The following MYH15 variants were observed in gnomAD, a reference collection of about 807,000 sequenced individuals.
The protein encoded by MYH15 is myosin-15.
A neutral mutation model predicts 240.5 loss-of-function variants in MYH15; 227 were observed. The observed-to-expected ratio is 0.94, with a 90% CI of 0.85 to 1.05. The LOEUF is 1.05. Among genes scored for constraint, MYH15 ranks in the 50% least tolerant of loss-of-function variants. The probability of loss-of-function intolerance (pLI) is 0.00; values close to 1 mark genes in which losing one functional copy is unlikely to be tolerated. For synonymous variants in MYH15, 785 were observed against 796.7 expected, an observed-to-expected ratio of 0.99 and a Z score of 0.25; for missense variants, 2,217 against 2,247.5, an observed-to-expected ratio of 0.99 and a Z score of 0.27.
rs769813232 is a variant in MYH15, at chr3:108,470,175, T to A, written c.1421A>T (p.Asn474Ile). The A allele has an allele frequency of 6.2e-7, 1 of 1,609,890 alleles. No homozygotes were observed. Among genetic ancestry groups the A allele is most frequent in the Non-Finnish European group, 8.5e-7 (1 of 1,178,120 alleles). Residue 474 changes from asparagine (N) to isoleucine (I), a missense_variant, in exon 14 of 41, where the codon AAT (asparagine) becomes ATT (isoleucine). Physicochemically the swap from Asn to Ile is moderately radical, Grantham distance 149. Coordinates refer to ENST00000693548, the MANE Select transcript of MYH15 (RefSeq NM_014981.3). Reference sequence around the variant, plus strand: ...ATTGAAGAATTGTTGTAATTTTTCATTGGTAAAATTAATGCAAAGTTGCTC... The same window carrying A: ...ATTGAAGAATTGTTGTAATTTTTCAATGGTAAAATTAATGCAAAGTTGCTC... ...SLEQLCINFT[N>I]EKLQQFFNWH...
chr3:108,546,800 A>G, the MYH15 span, among the ~76,000 whole-genome samples: 3 of 152,128 alleles, frequency 2.0e-5, no homozygotes, highest in Non-Finnish European at 4.4e-5. Context: ...TTTCTGGGGT[A>G]GTTTTGAAAT....
the MYH15 span, among the ~76,000 whole-genome samples, chr3:108,540,340 G>A: frequency 7.2e-5 from 11 of 152,252 alleles, no homozygotes; most frequent in East Asian, 2.1e-3. Context: ...CTCCACCACA[G>A]ACAGCATCTC....
chr3:108,540,776 G>T, the MYH15 span, among the ~76,000 whole-genome samples: 1 of 151,990 alleles, frequency 6.6e-6, no homozygotes, highest in Non-Finnish European at 1.5e-5. Flanking sequence ...TTAAAAAAAT[G>T]ATCTGGATAA....
intron 7 of MYH15, 96 bp downstream of exon 7, chr3:108,495,684 G>C (rs1306296891): frequency 4.5e-5 from 35 of 776,870 alleles, no homozygotes; most frequent in Non-Finnish European, 6.1e-5. Context: ...CTTCTTTGGT[G>C]TTCTATAATT....
intron 38 of MYH15, among the ~76,000 whole-genome samples, chr3:108,386,048 C>G (rs1395094612): frequency 1.3e-5 from 2 of 152,114 alleles, no homozygotes; most frequent in African/African-American, 4.8e-5. Context: ...AAATAAAATC[C>G]CTTCTTTGTT....
chr3:108,470,600 T>C, intron 13 of MYH15, 98 bp downstream of exon 13: 1 of 1,286,608 alleles, frequency 7.8e-7, no homozygotes, highest in Non-Finnish European at 1.1e-6. Flanking sequence ...TTGCATAGAA[T>C]GATCCCCATG....
chr3:108,527,559 C>T (rs1463439990), intron 1 of MYH15, among the ~76,000 whole-genome samples: 3 of 152,060 alleles, frequency 2.0e-5, no homozygotes, highest in African/African-American at 7.2e-5. Context: ...CCTATCTTAC[C>T]CCTAAGAAGT....
chr3:108,526,778 C>T (rs2688248), intron 1 of MYH15, among the ~76,000 whole-genome samples: 23,154 of 152,170 alleles, frequency 0.15, 2,186 homozygotes, highest in Non-Finnish European at 0.22. Flanking sequence ...ATCGATGTTG[C>T]AAGCCTTATT....
chr3:108,417,718 A>G (rs902216875), intron 28 of MYH15, among the ~76,000 whole-genome samples: 1 of 151,816 alleles, frequency 6.6e-6, no homozygotes, highest in South Asian at 2.1e-4. Flanking sequence ...AGGTCCTACA[A>G]TTTAACTCAA....
upstream of MYH15, among the ~76,000 whole-genome samples, chr3:108,514,684 G>C (rs953660132): frequency 2.0e-5 from 3 of 152,244 alleles, no homozygotes; most frequent in Non-Finnish European, 4.4e-5. Flanking sequence ...GAAGCCCAGA[G>C]GGGGACTGTA....
At chr3:108,540,220 C>T in the MYH15 span, among the ~76,000 whole-genome samples, 2 of 152,202 alleles carry the variant, frequency 1.3e-5, no homozygotes, top group Non-Finnish European at 2.9e-5. Context: ...CTTCGGTTCT[C>T]TGTGGCCATG....
intron 29 of MYH15, among the ~76,000 whole-genome samples, chr3:108,416,032 T>A (rs2082630397): frequency 6.6e-6 from 1 of 152,246 alleles, no homozygotes; most frequent in South Asian, 2.1e-4. Flanking sequence ...AAGGATGCAA[T>A]TCTATCTGCT....
chr3:108,525,711 G>A (rs189487481), intron 1 of MYH15, among the ~76,000 whole-genome samples: 57 of 152,160 alleles, frequency 3.7e-4, no homozygotes, highest in Middle Eastern at 3.4e-3. Flanking sequence ...TGAAAAAAAT[G>A]TAATACATTT....
rs184571725 is a variant in MYH15 at position 108,382,854 on chromosome 3, C to T, written c.5766+741G>A. ...TCAGGCAATCTATTAGCTAATACCACATTATCCAATCTCCTTTGATTCCTT... is the reference window on the plus strand; with the variant it reads ...TCAGGCAATCTATTAGCTAATACCATATTATCCAATCTCCTTTGATTCCTT... On this transcript the variant is annotated intron_variant, in intron 40 of 40. Transcript: ENST00000693548. Among the ~76,000 whole-genome samples, 9 of 152,326 alleles carry T rather than the reference C, an allele frequency of 5.9e-5. No homozygotes were observed. In the East Asian group the frequency reaches 1.7e-3, roughly 29 times the overall value.
intron 20 of MYH15, 46 bp downstream of exon 20, chr3:108,455,690 T>TC (rs1560384253): frequency 6.3e-7 from 1 of 1,596,064 alleles, no homozygotes; most frequent in Non-Finnish European, 8.6e-7. Context: ...TACACAGTCT[T>TC]CCCCCCATTC....
intron 35 of MYH15, 97 bp downstream of exon 35, chr3:108,398,540 A>T: frequency 8.5e-7 from 1 of 1,172,164 alleles, no homozygotes; most frequent in Non-Finnish European, 1.3e-6. Flanking sequence ...CCAAGACTTA[A>T]CAGGGCGACT....
chr3:108,404,773 CA>C (rs1243932340), intron 33 of MYH15: 8 of 152,168 alleles, frequency 5.3e-5, no homozygotes, highest in African/African-American at 1.9e-4. Context: ...CAGGTACAGG[CA>C]GGGGGTATGT....
At chr3:108,415,084 T>C (rs903672619) in intron 29 of MYH15, among the ~76,000 whole-genome samples, 1 of 152,196 alleles carries the variant, frequency 6.6e-6, no homozygotes, top group African/African-American at 2.4e-5. Context: ...TTTAAATAGT[T>C]ACCTGTAGTG....
intron 26 of MYH15, among the ~76,000 whole-genome samples, chr3:108,430,340 CTT>C (rs916476884): frequency 6.6e-6 from 1 of 152,152 alleles, no homozygotes; most frequent in Non-Finnish European, 1.5e-5. Flanking sequence ...TGGTCTAAAA[CTT>C]ATAAATAGCT....
Sources: gnomAD v4.1 joint callset for allele counts (sites outside exome capture counted in the v4.1 genomes callset) on GRCh38, gnomAD v4.1.1 for gene constraint, MANE v1.5 for transcripts, NCBI Gene and HGNC (gene_info 2026-07-23, HGNC 2026-07-21) for gene names.